MYO10: variants seen among roughly 807,000 people sequenced by gnomAD.
MYO10 encodes myosin X, also known as unconventional myosin-X.
A neutral mutation model predicts 257.3 loss-of-function variants in MYO10; 133 were observed. The ratio of observed to expected loss-of-function variants is 0.52; its 90% confidence interval spans 0.45 to 0.60. The LOEUF is 0.60. Ranked by LOEUF, MYO10 falls within the 20% of genes least tolerant of loss-of-function variation. The pLI, the probability that MYO10 is intolerant of heterozygous loss-of-function variation, is 0.00. For missense variants in MYO10, 2,399 were observed against 2,635.7 expected (o/e 0.91, Z 1.97); for synonymous variants, 1,104 against 1,028.6 (o/e 1.07, Z -1.40).
intron 19 of MYO10, among the ~76,000 whole-genome samples, chr5:16,733,577 G>A (rs966800178): frequency 4.0e-5 from 6 of 151,726 alleles, no homozygotes; most frequent in African/African-American, 1.5e-4. Context: ...CTGGTGGGAA[G>A]AGGGTATTGG....
intron 3 of MYO10, among the ~76,000 whole-genome samples, chr5:16,807,147 T>C (rs191686122): frequency 6.6e-6 from 1 of 152,296 alleles, no homozygotes; most frequent in Non-Finnish European, 1.5e-5. Context: ...TCCTTCTCTC[T>C]CAAACACCTC....
At chr5:16,681,800 C>G in intron 31 of MYO10, 71 bp downstream of exon 31, 1 of 1,490,556 alleles carries the variant, frequency 6.7e-7, no homozygotes, top group Non-Finnish European at 9.1e-7. Context: ...AATGAAAATG[C>G]TGCAGATGTC....
In MYO10 at chr5:16,701,948, C is replaced by T. The variant is rs1738101856; in HGVS notation, c.2557-110G>A. The T allele has an allele frequency of 1.6e-6, 2 of 1,276,624 alleles. No individual in the cohort carries two copies. Among genetic ancestry groups the T allele is most frequent in the East Asian group, 2.4e-5 (1 of 41,294 alleles). 79.1% of individuals were successfully genotyped at this position (1,276,624 alleles called of 1,614,324 possible). A position where few individuals can be genotyped will look rare whatever the true frequency, so the allele number is the denominator to read the frequency against. ...TGGTCATTATGAGTTGGACTGTGTC[C>T]CCATAAAGTCTATAGGTTGAAGTCC... On this transcript the variant is annotated intron_variant, in intron 24 of 40. Transcript: ENST00000513610. This position sits in a 1 kb window ranked among gnomAD's most constrained non-coding sequence, Gnocchi z 8.1.
At chr5:16,720,875 G>GTA (rs1394054135) in intron 19 of MYO10, among the ~76,000 whole-genome samples, 2 of 152,196 alleles carry the variant, frequency 1.3e-5, no homozygotes, top group Non-Finnish European at 2.9e-5. Flanking sequence ...GTGGAGATTA[G>GTA]TATGCCACTA....
Position 16,840,041 on chromosome 5 carries a change from TGTGAGAAG to T in MYO10, c.121-21882_121-21875del, listed in dbSNP as rs1281948146. Among the ~76,000 whole-genome samples, 8 of 152,126 alleles carry T rather than the reference TGTGAGAAG, an allele frequency of 5.3e-5. No individual in the cohort carries two copies. The East Asian group carries it at 1.5e-3, about 29-fold the overall frequency. ...AGTGAAAGATGGGCTGACCTGTATA[TGTGAGAAG>T]GTGAGAAGGTACAAGGTTAAGCAGA... On this transcript the variant is annotated intron_variant, in intron 2 of 40. Coordinates refer to ENST00000513610, the MANE Select transcript of MYO10 (RefSeq NM_012334.3).
At chr5:16,788,711 T>C (rs975808878) in intron 4 of MYO10, among the ~76,000 whole-genome samples, 1 of 151,452 alleles carries the variant, frequency 6.6e-6, no homozygotes, top group Non-Finnish European at 1.5e-5. Flanking sequence ...AGACAGCAGA[T>C]GAAAAATGAC....
intron 19 of MYO10, 124 bp downstream of exon 19, chr5:16,754,704 T>C (rs1359802715): frequency 1.1e-5 from 6 of 531,662 alleles, no homozygotes; most frequent in African/African-American, 7.6e-5. Flanking sequence ...GTTATAATAA[T>C]GTCATATCCA....
Position 16,675,146 on chromosome 5 carries a change from G to C in MYO10, c.4671C>G (p.Leu1557=). 1.2e-6 allele frequency: 2 copies of C among 1,613,200 alleles called. No homozygotes were observed. Among genetic ancestry groups the C allele is most frequent in the South Asian group, 2.2e-5 (2 of 91,060 alleles). The stretch of plus-strand genomic sequence containing the variant: ...GAAGGGTGGTATAGCCTTTGTCTTT[G>C]AGCACTAGGACAAGCAAAACAAACA... ...LPYGDINLNL[L]KDKGYTTLQD... The change falls in exon 35 of 41, where the codon CTC becomes CTG. Residue 1557 remains leucine (L), a synonymous_variant. Coordinates refer to ENST00000513610, the MANE Select transcript of MYO10 (RefSeq NM_012334.3).
intron 19 of MYO10, among the ~76,000 whole-genome samples, chr5:16,753,674 T>A (rs1455288565): frequency 1.3e-5 from 2 of 151,316 alleles, no homozygotes; most frequent in East Asian, 3.9e-4. Flanking sequence ...TTTCACCATG[T>A]TGGCCAGGCT....
At position 16,935,826 on chromosome 5, in the gene MYO10, G is replaced by T. The variant is rs1746426263; in HGVS notation, c.-18C>A. On this transcript the variant is annotated 5_prime_UTR_variant, in exon 1 of 41. Coordinates refer to ENST00000513610, the MANE Select transcript of MYO10 (RefSeq NM_012334.3). The stretch of plus-strand genomic sequence containing the variant: ...TTATCCATTGTTCCAGCGCAGTCCC[G>T]GACTCGCCGAGTGCCGCTCCGACTC... The T allele has an allele frequency of 6.2e-7, 1 of 1,612,658 alleles. No homozygotes were observed. Among genetic ancestry groups the T allele is most frequent in the African/African-American group, 1.3e-5 (1 of 75,014 alleles).
intron 22 of MYO10, 137 bp downstream of exon 22, chr5:16,704,442 G>A (rs983076621): frequency 2.8e-5 from 18 of 651,146 alleles, no homozygotes; most frequent in African/African-American, 2.2e-4. Flanking sequence ...GCTAGGTTTC[G>A]GGAGTGGCTG....
At chr5:16,765,603 ATT>A (rs1053842786) in intron 11 of MYO10, among the ~76,000 whole-genome samples, 12 of 152,208 alleles carry the variant, frequency 7.9e-5, no homozygotes, top group African/African-American at 2.9e-4. Context: ...ATATTATTAT[ATT>A]GTTTTCATTA....
chr5:16,899,305 A>C (rs1745309111), intron 1 of MYO10, among the ~76,000 whole-genome samples: 1 of 151,986 alleles, frequency 6.6e-6, no homozygotes, highest in African/African-American at 2.4e-5. Context: ...ACCTGAGGAG[A>C]CAAGCAGAAA....
intron 9 of MYO10, among the ~76,000 whole-genome samples, chr5:16,773,012 A>T (rs1396556165): frequency 6.6e-6 from 1 of 152,204 alleles, no homozygotes; most frequent in Admixed American, 6.6e-5. Context: ...ATGGGTGTGT[A>T]AATTCAAAAT....
chr5:16,866,916 C>CT, intron 2 of MYO10, among the ~76,000 whole-genome samples: 1 of 152,216 alleles, frequency 6.6e-6, no homozygotes, highest in Non-Finnish European at 1.5e-5. Context: ...CCTGGAGCTG[C>CT]CCTCCCGGAC....
intron 3 of MYO10, among the ~76,000 whole-genome samples, chr5:16,796,411 G>T (rs1580001154): frequency 8.5e-6 from 1 of 117,980 alleles, no homozygotes; most frequent in African/African-American, 3.5e-5. Context: ...GAAAAAGAAA[G>T]GAAAGAAAGG....
chr5:16,753,661 G>C (rs1002813911), intron 19 of MYO10, among the ~76,000 whole-genome samples: 1 of 149,656 alleles, frequency 6.7e-6, no homozygotes, highest in African/African-American at 2.5e-5. Flanking sequence ...AGTAGAGATA[G>C]GGTTTCACCA....
At chr5:16,714,721 G>A (rs1474612679) in intron 19 of MYO10, among the ~76,000 whole-genome samples, 1 of 152,206 alleles carries the variant, frequency 6.6e-6, no homozygotes, top group Non-Finnish European at 1.5e-5. Context: ...TACTCAGGAG[G>A]CTGAGACGGG....
chr5:16,794,640 C>A lies in MYO10; in HGVS notation c.467+6G>T, dbSNP rs561573344. 1 of 1,602,704 alleles carries A rather than the reference C, an allele frequency of 6.2e-7. No homozygotes were observed. Among genetic ancestry groups the A allele is most frequent in the African/African-American group, 1.3e-5 (1 of 74,706 alleles). ...GGAAAGTCCGACTGGCTGTGAGCCCCGTTACCTGATGAGGATGCACTGGTT... is the reference window on the plus strand; with the variant it reads ...GGAAAGTCCGACTGGCTGTGAGCCCAGTTACCTGATGAGGATGCACTGGTT... On this transcript the variant is annotated splice_donor_region_variant and intron_variant, in intron 4 of 40. Coordinates refer to ENST00000513610, the MANE Select transcript of MYO10 (RefSeq NM_012334.3).
Sources: gnomAD v4.1 joint callset for allele counts (sites outside exome capture counted in the v4.1 genomes callset) on GRCh38, gnomAD v4.1.1 for gene constraint, Gnocchi (gnomAD v3.1) non-coding constraint, MANE v1.5 for transcripts, NCBI Gene and HGNC (gene_info 2026-07-23, HGNC 2026-07-21) for gene names.